ALK: variants seen among roughly 807,000 people sequenced by gnomAD.
ALK encodes the protein ALK receptor tyrosine kinase.
ALK carries 74 observed loss-of-function variants against 163.1 expected under a neutral mutation model. The ratio of observed to expected loss-of-function variants is 0.45; its 90% CI spans 0.38 to 0.55. The LOEUF is 0.55. Ranked by LOEUF, ALK falls within the 20% of genes least tolerant of loss-of-function variation. ALK has a pLI of 0.00. For missense variants in ALK, 2,063 were observed against 2,105.3 expected, an observed-to-expected ratio of 0.98 and a Z score of 0.39; for synonymous variants, 960 against 843.2, an observed-to-expected ratio of 1.14 and a Z score of -2.40.
intron 4 of ALK, among the ~76,000 whole-genome samples, chr2:29,446,033 A>G (rs1402444232): frequency 8.1e-6 from 1 of 123,980 alleles, no homozygotes; most frequent in East Asian, 2.8e-4. Flanking sequence ...CGGGAGGCGG[A>G]GCTTGCAGTG....
chr2:29,623,948 A>G (rs1005461016), intron 3 of ALK, among the ~76,000 whole-genome samples: 17 of 152,226 alleles, frequency 1.1e-4, no homozygotes, highest in Admixed American at 4.6e-4. Context: ...TTGAATGAAA[A>G]TGTTTAAATA....
chr2:29,441,774 A>T (rs1000402509), intron 4 of ALK, among the ~76,000 whole-genome samples: 1 of 152,162 alleles, frequency 6.6e-6, no homozygotes, highest in Non-Finnish European at 1.5e-5. Flanking sequence ...AAGGAGCAAC[A>T]ATGTCTTTCC....
chr2:29,226,696 G>A (rs1021845100), intron 18 of ALK, among the ~76,000 whole-genome samples: 2 of 152,144 alleles, frequency 1.3e-5, no homozygotes, highest in African/African-American at 4.8e-5. Flanking sequence ...CCTTGGTGGG[G>A]GTGGTAGAGG....
At chr2:29,779,752 C>T (rs977815647) in intron 1 of ALK, among the ~76,000 whole-genome samples, 1 of 152,176 alleles carries the variant, frequency 6.6e-6, no homozygotes, top group Non-Finnish European at 1.5e-5. Flanking sequence ...AAAAACCAAT[C>T]AAGTATAGAA....
At chr2:29,506,026 A>C (rs1010875322) in intron 4 of ALK, among the ~76,000 whole-genome samples, 3 of 152,080 alleles carry the variant, frequency 2.0e-5, no homozygotes, top group African/African-American at 7.2e-5. Context: ...TTTTTCTGAG[A>C]GGCATCTCAC....
intron 3 of ALK, among the ~76,000 whole-genome samples, chr2:29,540,084 G>A (rs1205327374): frequency 2.6e-5 from 4 of 152,140 alleles, no homozygotes; most frequent in Non-Finnish European, 4.4e-5. Context: ...TTTTACCAAG[G>A]CCTTGACTGA....
At chr2:29,203,572 C>T (rs551486174) in intron 26 of ALK, among the ~76,000 whole-genome samples, 23 of 134,032 alleles carry the variant, frequency 1.7e-4, no homozygotes, top group Admixed American at 2.5e-4. Flanking sequence ...CTGCAACCTC[C>T]GCCTCCCAGG....
chr2:29,811,585 C>G (rs1041023910), intron 1 of ALK, among the ~76,000 whole-genome samples: 2 of 152,182 alleles, frequency 1.3e-5, no homozygotes, highest in Admixed American at 6.5e-5. Context: ...TTGCTTCACA[C>G]AGGAAATATT....
At chr2:29,262,327 C>A in intron 11 of ALK, among the ~76,000 whole-genome samples, 1 of 152,170 alleles carries the variant, frequency 6.6e-6, no homozygotes, top group Admixed American at 6.5e-5. Flanking sequence ...AATTTATTTG[C>A]GTGTATGTGC....
chr2:29,902,709 T>G (rs1667448025), intron 1 of ALK, among the ~76,000 whole-genome samples: 1 of 152,212 alleles, frequency 6.6e-6, no homozygotes, highest in Middle Eastern at 3.2e-3. Context: ...CTCCATACTC[T>G]GTGGTCCCCA....
At chr2:29,524,375 C>T (rs537557447) in intron 4 of ALK, among the ~76,000 whole-genome samples, 5 of 152,318 alleles carry the variant, frequency 3.3e-5, no homozygotes, top group Non-Finnish European at 4.4e-5. Context: ...TTAGTTTCCT[C>T]GGAGCCAGGC....
chr2:29,355,953 C>T (rs1668236250), intron 5 of ALK, among the ~76,000 whole-genome samples: 1 of 152,178 alleles, frequency 6.6e-6, no homozygotes, highest in South Asian at 2.1e-4. Context: ...AATTCCACAT[C>T]TGGAGACCTC....
At position 29,639,994 on chromosome 2, in the gene ALK, T is replaced by C. The variant is rs370742355; in HGVS notation, c.952+54856A>G. 2.9e-4 allele frequency among the ~76,000 whole-genome samples: 44 copies of C among 152,322 alleles called. No homozygotes were observed. The East Asian group carries it at 7.7e-3, about 27-fold the overall frequency. ...TTCAACTTAGGGATAAAACATATTT[T>C]AATCACTTAAACTTTTTTAAACATA... On this transcript the variant is annotated intron_variant, in intron 3 of 28. Transcript: ENST00000389048.
At chr2:29,339,511 T>C (rs770104870) in intron 5 of ALK, among the ~76,000 whole-genome samples, 5 of 152,098 alleles carry the variant, frequency 3.3e-5, no homozygotes, top group Non-Finnish European at 5.9e-5. Flanking sequence ...GCAAGGAGCA[T>C]GGACCTTATT....
At chr2:29,800,976 C>T (rs1380167080) in intron 1 of ALK, among the ~76,000 whole-genome samples, 1 of 152,132 alleles carries the variant, frequency 6.6e-6, no homozygotes, top group Admixed American at 6.5e-5. Context: ...CTCTCTCACC[C>T]AAATCGGGGT....
intron 1 of ALK, among the ~76,000 whole-genome samples, chr2:29,778,923 A>G (rs1681255823): frequency 6.6e-6 from 1 of 152,088 alleles, no homozygotes; most frequent in South Asian, 2.1e-4. Context: ...TGGGAGGCTG[A>G]GGCAAGCAGA....
intron 4 of ALK, among the ~76,000 whole-genome samples, chr2:29,391,192 T>G (rs955622367): frequency 1.3e-5 from 2 of 151,812 alleles, no homozygotes; most frequent in African/African-American, 2.4e-5. Flanking sequence ...CTGGCCTTCC[T>G]GGGGTAGAGG....
At chr2:29,492,551 T>C (rs776660896) in intron 4 of ALK, among the ~76,000 whole-genome samples, 5 of 152,210 alleles carry the variant, frequency 3.3e-5, no homozygotes, top group Non-Finnish European at 7.3e-5. Flanking sequence ...GTCCAGGGCC[T>C]AGCTGTTTCT....
intron 3 of ALK, among the ~76,000 whole-genome samples, chr2:29,688,392 A>G (rs762974192): frequency 5.9e-5 from 9 of 152,224 alleles, no homozygotes; most frequent in Non-Finnish European, 1.2e-4. Context: ...ATTTTATCTA[A>G]AAGAGAAAAG....
Sources: gnomAD v4.1 joint callset for allele counts (sites outside exome capture counted in the v4.1 genomes callset) on GRCh38, gnomAD v4.1.1 for gene constraint, MANE v1.5 for transcripts, NCBI Gene and HGNC (gene_info 2026-07-23, HGNC 2026-07-21) for gene names.